The following WASF2 variants were observed in gnomAD, a reference collection of about 807,000 sequenced individuals.
The protein encoded by WASF2 is actin-binding protein WASF2.
A neutral mutation model predicts 45.0 loss-of-function variants in WASF2; 14 were observed. The observed-to-expected ratio is 0.31, with a 90% confidence interval of 0.21 to 0.49. The LOEUF (loss-of-function observed/expected upper bound fraction) is 0.49, where lower values mean the gene tolerates loss of function less well. Ranked by LOEUF, WASF2 falls within the 20% of genes least tolerant of loss-of-function variation. WASF2 has a pLI of 0.99. For synonymous variants in WASF2, 200 were observed against 236.3 expected, an observed-to-expected ratio of 0.85 and a Z score of 1.41; for missense variants, 439 against 636.1, an observed-to-expected ratio of 0.69 and a Z score of 3.33.
At chr1:27,457,819 A>C (rs2017493048) in intron 1 of WASF2, among the ~76,000 whole-genome samples, 1 of 151,874 alleles carries the variant, frequency 6.6e-6, no homozygotes, top group Non-Finnish European at 1.5e-5. Flanking sequence ...ATTAGGTATC[A>C]CTATTTTGCC....
intron 1 of WASF2, among the ~76,000 whole-genome samples, chr1:27,441,656 A>T (rs567387183): frequency 6.8e-6 from 1 of 147,412 alleles, no homozygotes; most frequent in African/African-American, 2.5e-5. Context: ...CCGGAGGCTG[A>T]GGCAGGAGAA....
At chr1:27,425,438 C>T (rs1295694514) in intron 2 of WASF2, among the ~76,000 whole-genome samples, 3 of 152,176 alleles carry the variant, frequency 2.0e-5, no homozygotes, top group Non-Finnish European at 4.4e-5. Context: ...CGTGGTGGAT[C>T]ACGCCTGTAA....
intron 2 of WASF2, among the ~76,000 whole-genome samples, chr1:27,420,061 T>C (rs1262155900): frequency 6.6e-6 from 1 of 152,046 alleles, no homozygotes; most frequent in Non-Finnish European, 1.5e-5. Context: ...CGCACCACCA[T>C]GCCAAACTAA....
intron 1 of WASF2, among the ~76,000 whole-genome samples, chr1:27,467,502 C>T (rs1361366636): frequency 2.7e-5 from 4 of 150,080 alleles, no homozygotes; most frequent in African/African-American, 9.7e-5. Context: ...GGCATTTCAC[C>T]GTGTTAGCCA....
chr1:27,468,879 C>T (rs1333746528), intron 1 of WASF2, among the ~76,000 whole-genome samples: 4 of 147,864 alleles, frequency 2.7e-5, no homozygotes, highest in Non-Finnish European at 4.5e-5. Flanking sequence ...GCTGAGATCG[C>T]GCCACTGCAC....
chr1:27,441,868 G>A (rs932871810), intron 1 of WASF2, among the ~76,000 whole-genome samples: 3 of 150,934 alleles, frequency 2.0e-5, no homozygotes, highest in Non-Finnish European at 2.9e-5. Context: ...GGAGGTTGCA[G>A]TGAGCCAAGA....
chr1:27,419,119 T>C (rs2016867109), intron 2 of WASF2, 31 bp from the exon 3 acceptor site: 1 of 1,608,940 alleles, frequency 6.2e-7, no homozygotes, highest in Non-Finnish European at 8.5e-7. Flanking sequence ...AAGTCACTAG[T>C]GCATAGAAGT....
At chr1:27,455,740 G>A (rs947625471) in intron 1 of WASF2, among the ~76,000 whole-genome samples, 4 of 151,818 alleles carry the variant, frequency 2.6e-5, no homozygotes, top group Non-Finnish European at 5.9e-5. Flanking sequence ...AACGCTTCCC[G>A]GCCCAGTTCA....
chr1:27,487,503 AAT>A (rs920569186), intron 1 of WASF2, among the ~76,000 whole-genome samples: 6 of 107,592 alleles, frequency 5.6e-5, no homozygotes, highest in Non-Finnish European at 8.7e-5. Flanking sequence ...ATAATATTAT[AAT>A]ATATGTTATA....
At chr1:27,438,181 T>G (rs562469229) in intron 1 of WASF2, among the ~76,000 whole-genome samples, 1 of 152,284 alleles carries the variant, frequency 6.6e-6, no homozygotes, top group Admixed American at 6.5e-5. Flanking sequence ...ATACACAGCT[T>G]GGTTTTATGG....
rs562014248 is a variant in WASF2 at position 27,438,994 on chromosome 1, G to A, written c.-43-10061C>T. On this transcript the variant is annotated intron_variant, in intron 1 of 8. Coordinates refer to ENST00000618852, the MANE Select transcript of WASF2 (RefSeq NM_006990.5). The stretch of plus-strand genomic sequence containing the variant: ...TACAAGCTAAAGTCCTTGAGCAGAG[G>A]GAAAAATAAGTATCTGTTCTTTCCT... 2.0e-5 allele frequency among the ~76,000 whole-genome samples: 3 copies of A among 152,236 alleles called. No individual in the cohort carries two copies. The Middle Eastern group carries it at 0.01, about 518-fold the overall frequency.
Position 27,479,595 on chromosome 1 carries a change from T to A in WASF2, c.-44+10391A>T, listed in dbSNP as rs1462884449. Among the ~76,000 whole-genome samples, 4 of 152,250 alleles carry A rather than the reference T, an allele frequency of 2.6e-5. No individual in the cohort carries two copies. In the South Asian group the frequency reaches 8.3e-4, roughly 31 times the overall value. On this transcript the variant is annotated intron_variant, in intron 1 of 8. Coordinates refer to ENST00000618852, the MANE Select transcript of WASF2 (RefSeq NM_006990.5). ...TGCAGCTACTAATGGCCTGGCACGG[T>A]GGCTCACGCCTGTAATCCCAGCACT...
Position 27,414,356 on chromosome 1 carries a change from C to T in WASF2, c.668+477G>A, listed in dbSNP as rs1329030882. Among the ~76,000 whole-genome samples, 1 of 152,212 alleles carries T rather than the reference C, an allele frequency of 6.6e-6. No individual in the cohort carries two copies. Among genetic ancestry groups the T allele is most frequent in the African/African-American group, 2.4e-5 (1 of 41,452 alleles). On this transcript the variant is annotated intron_variant, in intron 6 of 8. Transcript: ENST00000618852. This position sits in a 1 kb window ranked among gnomAD's most constrained non-coding sequence, Gnocchi z 4.1. ...TGTCTATGAGGTCTGCATTCAGTCC[C>T]TTGGCTAGCTTCTCTCCCATGACTG...
At chr1:27,462,715 G>A (rs2017563007) in intron 1 of WASF2, among the ~76,000 whole-genome samples, 1 of 152,162 alleles carries the variant, frequency 6.6e-6, no homozygotes, top group Non-Finnish European at 1.5e-5. Context: ...CTATAAATTG[G>A]AGATTAATAA....
intron 2 of WASF2, among the ~76,000 whole-genome samples, chr1:27,428,461 T>G (rs1258944254): frequency 6.6e-6 from 1 of 152,214 alleles, no homozygotes; most frequent in African/African-American, 2.4e-5. Context: ...AATTCTGCTC[T>G]GTCATTCCGT....
intron 1 of WASF2, among the ~76,000 whole-genome samples, chr1:27,460,431 A>G (rs1036495788): frequency 8.5e-5 from 13 of 152,252 alleles, no homozygotes; most frequent in East Asian, 3.8e-4. Context: ...GTAAATAAGA[A>G]TCCATGGTAA....
chr1:27,418,174 T>G, intron 4 of WASF2, 95 bp downstream of exon 4: 1 of 1,409,186 alleles, frequency 7.1e-7, no homozygotes, highest in African/African-American at 1.4e-5. Flanking sequence ...AGCTTTTAGA[T>G]ACAATCCTCT....
In WASF2 at chr1:27,418,312, T is replaced by A; in HGVS notation, c.376A>T (p.Thr126Ser). ...LPVPVLETYN[T>S]CDTPPPLNNL... ...TTGAGAGGGGGAGGAGTATCACAGG[T>A]ATTGTATGTTTCTAAGACAGGCACT... Residue 126 changes from threonine (T) to serine (S), a missense_variant, in exon 4 of 9, where the codon ACC becomes TCC. Physicochemically the swap from Thr to Ser is moderately conservative, Grantham distance 58. Around this residue, in one of 5 missense-constraint regions of WASF2, gnomAD observed 98 missense variants for 120.7 expected, o/e 0.81. Transcript: ENST00000618852. 1 of 1,614,108 alleles carries A rather than the reference T, an allele frequency of 6.2e-7. No homozygotes were observed. Among genetic ancestry groups the A allele is most frequent in the East Asian group, 2.2e-5 (1 of 44,882 alleles).
At chr1:27,409,608 G>A (rs2016732105) in intron 8 of WASF2, 84 bp downstream of exon 8, 1 of 1,371,272 alleles carries the variant, frequency 7.3e-7, no homozygotes, top group African/African-American at 1.5e-5. Flanking sequence ...AGGGCACAGG[G>A]ACCCCCTCAC....
Sources: allele counts gnomAD v4.1 joint callset (sites outside exome capture counted in the v4.1 genomes callset), GRCh38; gene constraint gnomAD v4.1.1; regional missense constraint gnomAD v4.1.1; non-coding constraint Gnocchi (gnomAD v3.1); transcripts MANE v1.5; gene names NCBI Gene and HGNC (gene_info 2026-07-23, HGNC 2026-07-21).